The following ADGRB3 variants were observed in gnomAD, a reference collection of about 807,000 sequenced individuals.
ADGRB3 encodes adhesion G protein-coupled receptor B3.
In ADGRB3, 37 loss-of-function variants were observed where a neutral mutation model predicts 193.4. That is an observed-to-expected ratio of 0.19 (90% confidence interval 0.15 to 0.25). The LOEUF (loss-of-function observed/expected upper bound fraction) is 0.25. Among genes scored for constraint, ADGRB3 ranks in the 10% least tolerant of loss-of-function variants. ADGRB3 has a pLI of 1.00. For synonymous variants in ADGRB3, 690 were observed against 644.2 expected (o/e 1.07, Z -1.08); for missense variants, 1,637 against 1,852.9 (o/e 0.88, Z 2.14).
At chr6:69,233,242 A>G (rs1188139276) in intron 17 of ADGRB3, 48 bp from the exon 18 acceptor site, 7 of 1,602,982 alleles carry the variant, frequency 4.4e-6, no homozygotes, top group South Asian at 1.1e-5. Context: ...GGATTTGGCT[A>G]TCAGGCGTAT....
intron 6 of ADGRB3, among the ~76,000 whole-genome samples, chr6:68,955,400 T>A (rs184837875): frequency 1.3e-5 from 2 of 152,338 alleles, no homozygotes; most frequent in East Asian, 3.9e-4. Flanking sequence ...GCTCAGTATT[T>A]AGTTTGTTCA....
chr6:68,656,989 A>G (rs1748497029), intron 3 of ADGRB3, among the ~76,000 whole-genome samples: 1 of 151,508 alleles, frequency 6.6e-6, no homozygotes, highest in South Asian at 2.1e-4. Flanking sequence ...GTAATCTAAA[A>G]CGTTGTTTTA....
intron 11 of ADGRB3, among the ~76,000 whole-genome samples, chr6:68,997,419 G>A (rs1173331844): frequency 6.9e-6 from 1 of 144,080 alleles, no homozygotes; most frequent in Non-Finnish European, 1.5e-5. Flanking sequence ...AAGGCAGGCT[G>A]ATCCCTTGAG....
intron 24 of ADGRB3, among the ~76,000 whole-genome samples, chr6:69,336,003 A>T (rs569111844): frequency 6.6e-6 from 1 of 152,188 alleles, no homozygotes; most frequent in South Asian, 2.1e-4. Flanking sequence ...AACAAGTTTT[A>T]TAATACACAA....
chr6:69,017,893 C>A (rs1325286394), intron 12 of ADGRB3, among the ~76,000 whole-genome samples: 1 of 151,872 alleles, frequency 6.6e-6, no homozygotes, highest in Non-Finnish European at 1.5e-5. Context: ...TACCATTATT[C>A]TTACAGTGGG....
intron 17 of ADGRB3, among the ~76,000 whole-genome samples, chr6:69,110,962 T>G (rs553325210): frequency 6.6e-6 from 1 of 152,342 alleles, no homozygotes; most frequent in African/African-American, 2.4e-5. Context: ...AATTACGTTT[T>G]TTCACCATTA....
chr6:68,841,019 A>T (rs577417867), intron 3 of ADGRB3, among the ~76,000 whole-genome samples: 1 of 152,316 alleles, frequency 6.6e-6, no homozygotes, highest in South Asian at 2.1e-4. Flanking sequence ...TCATTAGATA[A>T]TGATAAAAGG....
At chr6:69,245,624 C>T (rs1318894388) in intron 20 of ADGRB3, among the ~76,000 whole-genome samples, 1 of 151,928 alleles carries the variant, frequency 6.6e-6, no homozygotes, top group Non-Finnish European at 1.5e-5. Context: ...TCATGCTATA[C>T]TTCATCCTGG....
At chr6:69,301,845 T>C (rs960401527) in intron 20 of ADGRB3, among the ~76,000 whole-genome samples, 1 of 151,972 alleles carries the variant, frequency 6.6e-6, no homozygotes, top group African/African-American at 2.4e-5. Context: ...TTTATGTAGA[T>C]GCAGGATTTC....
chr6:69,323,386 C>T (rs934653733), intron 20 of ADGRB3, among the ~76,000 whole-genome samples: 1 of 151,686 alleles, frequency 6.6e-6, no homozygotes, highest in Non-Finnish European at 1.5e-5. Context: ...ATATTTAAAC[C>T]GTAAATTGGA....
chr6:68,751,071 C>T (rs1020537640), intron 3 of ADGRB3, among the ~76,000 whole-genome samples: 8 of 152,194 alleles, frequency 5.3e-5, no homozygotes, highest in Non-Finnish European at 1.0e-4. Flanking sequence ...GCTGCTTCTG[C>T]AAATGTGGAT....
At chr6:68,796,509 G>A (rs1317153051) in intron 3 of ADGRB3, among the ~76,000 whole-genome samples, 2 of 152,138 alleles carry the variant, frequency 1.3e-5, no homozygotes, top group Non-Finnish European at 2.9e-5. Flanking sequence ...CTTTCGAAGT[G>A]ATTTCTGACA....
intron 3 of ADGRB3, among the ~76,000 whole-genome samples, chr6:68,911,760 A>G (rs796975950): frequency 2.7e-5 from 4 of 150,910 alleles, no homozygotes; most frequent in African/African-American, 7.3e-5. Flanking sequence ...ATGTCTTTTC[A>G]TTTGGAAATT....
At chr6:69,329,735 T>G (rs778190681) in intron 22 of ADGRB3, among the ~76,000 whole-genome samples, 1 of 152,164 alleles carries the variant, frequency 6.6e-6, no homozygotes, top group Non-Finnish European at 1.5e-5. Flanking sequence ...ACTTCCCTCA[T>G]TTTCACTTTC....
intron 3 of ADGRB3, among the ~76,000 whole-genome samples, chr6:68,883,612 C>T (rs181286882): frequency 3.9e-5 from 6 of 152,184 alleles, no homozygotes; most frequent in Admixed American, 3.3e-4. Context: ...GAGGAATGAA[C>T]AACTCCAGAG....
chr6:68,703,605 C>T (rs946257976), intron 3 of ADGRB3, among the ~76,000 whole-genome samples: 1 of 151,716 alleles, frequency 6.6e-6, no homozygotes, highest in Non-Finnish European at 1.5e-5. Flanking sequence ...TAAAAAGAAC[C>T]CCATTCATTA....
intron 3 of ADGRB3, among the ~76,000 whole-genome samples, chr6:68,741,713 C>A (rs1562012182): frequency 6.6e-6 from 1 of 152,142 alleles, no homozygotes; most frequent in Non-Finnish European, 1.5e-5. Context: ...TGTTTGTTAC[C>A]TTTTCTATCA....
chr6:69,118,989 T>C (rs1773610963), intron 17 of ADGRB3, among the ~76,000 whole-genome samples: 2 of 152,208 alleles, frequency 1.3e-5, no homozygotes, highest in South Asian at 4.1e-4. Context: ...TTTCTTCATA[T>C]TTTATTTCAC....
chr6:69,071,698 C>G (rs1167564372), intron 16 of ADGRB3, among the ~76,000 whole-genome samples: 1 of 152,090 alleles, frequency 6.6e-6, no homozygotes, highest in Non-Finnish European at 1.5e-5. Context: ...TGCAGTATTA[C>G]CATTTTGTAT....
Sources: allele counts gnomAD v4.1 joint callset (sites outside exome capture counted in the v4.1 genomes callset), GRCh38; gene constraint gnomAD v4.1.1; transcripts MANE v1.5; gene names NCBI Gene and HGNC (gene_info 2026-07-23, HGNC 2026-07-21).